The following CACNA1H variants were observed in gnomAD, a reference collection of about 807,000 sequenced individuals.
The protein encoded by CACNA1H is calcium voltage-gated channel subunit alpha1 H, also known as voltage-dependent T-type calcium channel subunit alpha-1H.
CACNA1H carries 149 observed loss-of-function variants against 192.5 expected under a neutral mutation model. The observed-to-expected ratio is 0.77, with a 90% CI of 0.68 to 0.89. The LOEUF (loss-of-function observed/expected upper bound fraction) is 0.89. CACNA1H is among the 40% of genes least tolerant of loss of function. CACNA1H has a pLI of 0.00. For missense variants in CACNA1H, 4,257 were observed against 3,423.5 expected, an observed-to-expected ratio of 1.24 and a Z score of -6.08; for synonymous variants, 2,202 against 1,475.2, an observed-to-expected ratio of 1.49 and a Z score of -11.29.
At chr16:1,209,777 C>A (rs774596935) in intron 17 of CACNA1H, among the ~76,000 whole-genome samples, 7 of 152,164 alleles carry the variant, frequency 4.6e-5, no homozygotes, top group Non-Finnish European at 1.0e-4. Flanking sequence ...GAGTCAGGGA[C>A]CCAAGAGCAC....
At position 1,211,499 on chromosome 16, in the gene CACNA1H, T is replaced by C. The variant is rs1969445673; in HGVS notation, c.4369T>C (p.Tyr1457His). The C allele has an allele frequency of 1.1e-5, 18 of 1,612,424 alleles. No homozygotes were observed. The highest frequency in any genetic ancestry group is 1.5e-5 in the Non-Finnish European group (18 of 1,179,702). ...CCGTCAGCTCTTCAAAGGGAAGTTCTACTACTGCGAGGGCCCCGACACCAG... is the reference window on the plus strand; with the variant it reads ...CCGTCAGCTCTTCAAAGGGAAGTTCCACTACTGCGAGGGCCCCGACACCAG... ...LGVQLFKGKF[Y>H]YCEGPDTRNI... is the part of the protein sequence containing the mutation. The change falls in exon 23 of 35, where the codon TAC becomes CAC. Residue 1457 changes from tyrosine (Y) to histidine (H), a missense_variant. Coordinates refer to ENST00000348261, the MANE Select transcript of CACNA1H (RefSeq NM_021098.3).
chr16:1,184,747 G>A (rs1488900411), intron 2 of CACNA1H, among the ~76,000 whole-genome samples: 1 of 152,236 alleles, frequency 6.6e-6, no homozygotes, highest in Non-Finnish European at 1.5e-5. Flanking sequence ...CATGTGCCGG[G>A]TCTCAATTCC....
Position 1,202,378 on chromosome 16 carries a change from C to T in CACNA1H, c.1928C>T (p.Thr643Ile). ...KGKWAGGPPGTGGHGPLSLNS... is the reference protein window; with the variant it reads ...KGKWAGGPPGIGGHGPLSLNS... ...AAGTGGGCCGGTGGACCGCCAGGCA[C>T]CGGGGGGCACGGCCCGTTGAGCTTG... The change falls in exon 9 of 35, where the codon ACC becomes ATC. Residue 643 changes from threonine (T) to isoleucine (I), a missense_variant. Physicochemically the swap from Thr to Ile is moderately conservative, Grantham distance 89. Coordinates refer to ENST00000348261, the MANE Select transcript of CACNA1H (RefSeq NM_021098.3). 6.4e-7 allele frequency: 1 copy of T among 1,553,170 alleles called. No individual in the cohort carries two copies. The highest frequency in any genetic ancestry group is 8.7e-7 in the Non-Finnish European group (1 of 1,150,334).
Position 1,201,816 on chromosome 16 carries a change from T to C in CACNA1H, c.1366T>C (p.Cys456Arg). The C allele has an allele frequency of 6.3e-7, 1 of 1,585,010 alleles. No individual in the cohort carries two copies. The highest frequency in any genetic ancestry group is 8.6e-7 in the Non-Finnish European group (1 of 1,166,586). ...TLASFSEPGS[C>R]YEELLKYVGH... The stretch of plus-strand genomic sequence containing the variant: ...GGCCAGCTTCTCCGAGCCTGGCAGC[T>C]GCTACGAAGAGCTGCTGAAGTACGT... The change falls in exon 9 of 35, where the codon TGC becomes CGC. Residue 456 changes from cysteine to arginine, a missense_variant. Transcript: ENST00000348261.
intron 2 of CACNA1H, among the ~76,000 whole-genome samples, chr16:1,181,119 C>T (rs1238679469): frequency 6.6e-6 from 1 of 152,240 alleles, no homozygotes; most frequent in Non-Finnish European, 1.5e-5. Context: ...GCAGGCCCCA[C>T]AGGCCCGTCC....
chr16:1,208,314 A>T lies in CACNA1H; in HGVS notation c.3363+93A>T. 3 of 835,048 alleles carry T rather than the reference A, an allele frequency of 3.6e-6. No homozygotes were observed. In the East Asian group the frequency reaches 7.9e-5, roughly 22 times the overall value. The allele number at this position is 835,048 out of a possible 1,614,324, so 51.7% of individuals were successfully genotyped here. A position where few individuals can be genotyped will look rare whatever the true frequency, so the allele number is the denominator to read the frequency against. ...TTCCCTGAAGATGAGTGAGGGCCGC[A>T]CCCCCCACACCCTTGAAGTCCCAGC... On this transcript the variant is annotated intron_variant, in intron 16 of 34. Coordinates refer to ENST00000348261, the MANE Select transcript of CACNA1H (RefSeq NM_021098.3).
intron 2 of CACNA1H, among the ~76,000 whole-genome samples, chr16:1,163,871 G>A (rs60955211): frequency 1.3e-3 from 195 of 152,354 alleles, no homozygotes; most frequent in African/African-American, 4.2e-3. Flanking sequence ...GTGATGAGAA[G>A]CTGGGCTATG....
chr16:1,196,228 G>A (rs1419462375), intron 5 of CACNA1H, among the ~76,000 whole-genome samples: 2 of 152,272 alleles, frequency 1.3e-5, no homozygotes, highest in Non-Finnish European at 1.5e-5. Context: ...AAGCTGCGGT[G>A]TGGTGGGCAG....
chr16:1,186,556 C>G (rs1367148348), intron 2 of CACNA1H, among the ~76,000 whole-genome samples: 1 of 152,104 alleles, frequency 6.6e-6, no homozygotes, highest in South Asian at 2.1e-4. Flanking sequence ...GGGAACGTCT[C>G]TGTACCTCTG....
At chr16:1,196,093 A>T (rs1596384709) in intron 5 of CACNA1H, 70 bp downstream of exon 5, 2 of 1,239,004 alleles carry the variant, frequency 1.6e-6, no homozygotes, top group Non-Finnish European at 1.2e-6. Context: ...CAGAGCTCTC[A>T]AAAGGGCCCC....
At chr16:1,155,630 C>T (rs772261003) in intron 2 of CACNA1H, among the ~76,000 whole-genome samples, 1 of 152,004 alleles carries the variant, frequency 6.6e-6, no homozygotes, top group Admixed American at 6.6e-5. Context: ...AGCCCCGGGC[C>T]TGGCTGCCCC....
At chr16:1,201,555 T>C in intron 8 of CACNA1H, 108 bp from the exon 9 acceptor site, 1 of 1,342,682 alleles carries the variant, frequency 7.4e-7, no homozygotes, top group Non-Finnish European at 1.0e-6. Context: ...CCTCGCCCAC[T>C]GTGCCTGTGA....
At chr16:1,203,093 A>G (rs898467745) in intron 9 of CACNA1H, among the ~76,000 whole-genome samples, 2 of 151,862 alleles carry the variant, frequency 1.3e-5, no homozygotes, top group African/African-American at 4.8e-5. Flanking sequence ...TGGTGGGGAG[A>G]GGTGCGAGCG....
chr16:1,181,120 A>G (rs1965419878), intron 2 of CACNA1H, among the ~76,000 whole-genome samples: 1 of 152,218 alleles, frequency 6.6e-6, no homozygotes, highest in South Asian at 2.1e-4. Context: ...CAGGCCCCAC[A>G]GGCCCGTCCC....
intron 2 of CACNA1H, among the ~76,000 whole-genome samples, chr16:1,178,563 C>T (rs533133072): frequency 7.2e-5 from 11 of 152,248 alleles, no homozygotes; most frequent in African/African-American, 2.6e-4. Flanking sequence ...GCAGGAGGAG[C>T]CGGCCCTGCC....
chr16:1,220,545 C>A lies in CACNA1H; in HGVS notation c.6613C>A (p.Arg2205=). The change falls in exon 35 of 35, where the codon CGG becomes AGG. Residue 2205 remains arginine (R), a synonymous_variant. Transcript: ENST00000348261. ...CCCTGCGGAGGACGAGGGCTCTGCG[C>A]GGCCCTCCGCGGCAGAGGGCGGCAG... The part of the protein sequence containing the change: ...EPPAEDEGSA[R]PSAAEGGSTT... The A allele has an allele frequency of 6.5e-7, 1 of 1,530,778 alleles. No homozygotes were observed. Among genetic ancestry groups the A allele is most frequent in the South Asian group, 1.3e-5 (1 of 76,608 alleles). The allele number at this position is 1,530,778 out of a possible 1,614,324, so 94.8% of individuals were successfully genotyped here.
intron 6 of CACNA1H, among the ~76,000 whole-genome samples, 197 bp from the exon 7 acceptor site, chr16:1,200,059 C>A (rs1421681384): frequency 6.6e-6 from 1 of 152,116 alleles, no homozygotes; most frequent in Non-Finnish European, 1.5e-5. Flanking sequence ...GGCTGTGTCC[C>A]CTGATCCGGG....
intron 1 of CACNA1H, 87 bp from the exon 2 acceptor site, chr16:1,153,633 G>C (rs1363279941): frequency 9.7e-6 from 8 of 828,360 alleles, no homozygotes; most frequent in Non-Finnish European, 1.3e-5. Flanking sequence ...ACATCCCGGC[G>C]GCCGCGGCTG....
Position 1,198,595 on chromosome 16 carries a change from C to G in CACNA1H, c.644-20C>G. On this transcript the variant is annotated intron_variant, in intron 5 of 34. Transcript: ENST00000348261. ...TCCTGCAGGGCTTAGCAGTGCCAAT[C>G]CTGGCCCTGCTGCCCACAGGCATGC... 1.2e-6 allele frequency: 2 copies of G among 1,611,194 alleles called. No homozygotes were observed. The highest frequency in any genetic ancestry group is 1.7e-6 in the Non-Finnish European group (2 of 1,179,368).
Sources: gnomAD v4.1 joint callset for allele counts (sites outside exome capture counted in the v4.1 genomes callset) on GRCh38, gnomAD v4.1.1 for gene constraint, MANE v1.5 for transcripts, NCBI Gene and HGNC (gene_info 2026-07-23, HGNC 2026-07-21) for gene names.